The following GRIN2B variants were observed in gnomAD, a reference collection of about 807,000 sequenced individuals.
The protein encoded by GRIN2B is glutamate ionotropic receptor NMDA type subunit 2B.
GRIN2B carries 5 observed loss-of-function variants against 114.5 expected under a neutral mutation model. That is an observed-to-expected ratio of 0.04 (90% CI 0.02 to 0.09). The LOEUF (loss-of-function observed/expected upper bound fraction) is 0.09. GRIN2B is among the 10% of genes least tolerant of loss of function. The pLI, the probability that GRIN2B is intolerant of heterozygous loss-of-function variation, is 1.00. For missense variants in GRIN2B, 1,108 were observed against 1,943.5 expected, an observed-to-expected ratio of 0.57 and a Z score of 8.08; for synonymous variants, 787 against 745.1, an observed-to-expected ratio of 1.06 and a Z score of -0.92.
chr12:13,941,794 C>G (rs897627968), intron 2 of GRIN2B, among the ~76,000 whole-genome samples: 1 of 152,154 alleles, frequency 6.6e-6, no homozygotes, highest in Admixed American at 6.5e-5. Flanking sequence ...CCATGGTAGC[C>G]GAAGGCTGAA....
chr12:13,917,847 T>G (rs1339255966), intron 2 of GRIN2B, among the ~76,000 whole-genome samples: 1 of 152,236 alleles, frequency 6.6e-6, no homozygotes, highest in Non-Finnish European at 1.5e-5. Context: ...TTTTTTCTTT[T>G]TTATTATACT....
intron 3 of GRIN2B, among the ~76,000 whole-genome samples, chr12:13,817,734 C>T (rs1167915099): frequency 6.6e-6 from 1 of 152,136 alleles, no homozygotes; most frequent in East Asian, 1.9e-4. Context: ...CATATATAGG[C>T]AAAGACATTT....
chr12:13,647,321 A>G (rs906285270), intron 5 of GRIN2B, among the ~76,000 whole-genome samples: 1 of 152,104 alleles, frequency 6.6e-6, no homozygotes, highest in Non-Finnish European at 1.5e-5. Flanking sequence ...TGAGCTTTTG[A>G]TAATTTGAGT....
chr12:13,706,098 C>G (rs1950357600), intron 4 of GRIN2B, among the ~76,000 whole-genome samples: 1 of 152,122 alleles, frequency 6.6e-6, no homozygotes, highest in African/African-American at 2.4e-5. Context: ...AAACAATTCT[C>G]TACCTTGGCA....
chr12:13,563,525 G>T lies in GRIN2B; in HGVS notation c.3713C>A (p.Ala1238Glu). The change falls in exon 14 of 14, where the codon GCG (alanine) becomes GAG (glutamate). Residue 1238 changes from alanine to glutamate, a missense_variant. By Grantham distance (107) the Ala-to-Glu change is moderately radical. Transcript: ENST00000609686. Reference protein sequence around the residue: ...TVTGQNSGRQACIRCEACKKA... With the variant: ...TVTGQNSGRQECIRCEACKKA... ...CTTGCAAGCCTCACACCGGATGCAC[G>T]CCTGCCTGCCCGAGTTCTGACCCGT... is the stretch of plus-strand genomic sequence containing the variant. 1 of 1,614,054 alleles carries T rather than the reference G, an allele frequency of 6.2e-7. No homozygotes were observed. The highest frequency in any genetic ancestry group is 8.5e-7 in the Non-Finnish European group (1 of 1,180,016).
At chr12:13,679,231 A>G (rs1213193099) in intron 4 of GRIN2B, among the ~76,000 whole-genome samples, 1 of 152,192 alleles carries the variant, frequency 6.6e-6, no homozygotes, top group East Asian at 1.9e-4. Context: ...TTCAGAAGGC[A>G]ATTACAAAAG....
chr12:13,763,972 G>A (rs542919772), intron 3 of GRIN2B, among the ~76,000 whole-genome samples: 1 of 152,156 alleles, frequency 6.6e-6, no homozygotes, highest in Admixed American at 6.5e-5. Context: ...GACTTCTGAG[G>A]TTCTAACTGC....
At chr12:13,794,033 C>T (rs1181626062) in intron 3 of GRIN2B, among the ~76,000 whole-genome samples, 2 of 76,276 alleles carry the variant, frequency 2.6e-5, no homozygotes, top group Non-Finnish European at 4.8e-5. Context: ...AAAATCCCAT[C>T]TCTACAAAAA....
At chr12:13,786,662 T>C (rs1864226381) in intron 3 of GRIN2B, among the ~76,000 whole-genome samples, 1 of 149,600 alleles carries the variant, frequency 6.7e-6, no homozygotes, top group Non-Finnish European at 1.5e-5. Flanking sequence ...CCCACAGGTA[T>C]CAGGGCTGAG....
intron 10 of GRIN2B, among the ~76,000 whole-genome samples, chr12:13,607,343 AATAT>A (rs1565473655): frequency 2.3e-5 from 1 of 42,668 alleles, no homozygotes; most frequent in Non-Finnish European, 4.0e-5. Flanking sequence ...TATTATATAT[AATAT>A]ATAAAATATA....
chr12:13,744,420 A>C (rs1329202119), intron 4 of GRIN2B, among the ~76,000 whole-genome samples: 2 of 152,214 alleles, frequency 1.3e-5, no homozygotes, highest in Non-Finnish European at 2.9e-5. Flanking sequence ...CATGAATATG[A>C]GTGTGTGCGT....
rs899455678 is a variant in GRIN2B, at chr12:13,754,323, T to C, written c.412-408A>G. Among the ~76,000 whole-genome samples, 4 of 152,316 alleles carry C rather than the reference T, an allele frequency of 2.6e-5. No homozygotes were observed. In the South Asian group the frequency reaches 8.3e-4, roughly 32 times the overall value. ...TCAGGTTTTGTTGTCAAATGAGCTA[T>C]ACAAACACAAATGCACATGCCCACA... On this transcript the variant is annotated intron_variant, in intron 3 of 13. Transcript: ENST00000609686.
At chr12:13,758,748 C>T (rs1452777591) in intron 3 of GRIN2B, among the ~76,000 whole-genome samples, 4 of 152,166 alleles carry the variant, frequency 2.6e-5, no homozygotes, top group Non-Finnish European at 4.4e-5. Context: ...GGTCAACTTA[C>T]TTCTATCTCC....
At chr12:13,628,912 G>A (rs992401414) in intron 5 of GRIN2B, among the ~76,000 whole-genome samples, 1 of 152,076 alleles carries the variant, frequency 6.6e-6, no homozygotes, top group Non-Finnish European at 1.5e-5. Flanking sequence ...CATATGAAAA[G>A]AAACAAGGTA....
At chr12:13,682,389 A>G (rs923115829) in intron 4 of GRIN2B, among the ~76,000 whole-genome samples, 2 of 152,206 alleles carry the variant, frequency 1.3e-5, no homozygotes, top group African/African-American at 4.8e-5. Context: ...GAAGCTCAGG[A>G]ATAACTAATT....
At chr12:13,583,869 T>A (rs1948884146) in intron 10 of GRIN2B, among the ~76,000 whole-genome samples, 1 of 152,066 alleles carries the variant, frequency 6.6e-6, no homozygotes, top group African/African-American at 2.4e-5. Flanking sequence ...GGAAGGACAC[T>A]GTGAACCCCA....
At chr12:13,593,266 G>A (rs1949031346) in intron 10 of GRIN2B, among the ~76,000 whole-genome samples, 1 of 152,176 alleles carries the variant, frequency 6.6e-6, no homozygotes, top group African/African-American at 2.4e-5. Flanking sequence ...AACAAAGCTG[G>A]AGGCATCATG....
intron 5 of GRIN2B, among the ~76,000 whole-genome samples, chr12:13,630,225 C>T (rs568634968): frequency 3.9e-5 from 6 of 152,322 alleles, no homozygotes; most frequent in Middle Eastern, 3.4e-3. Flanking sequence ...TCTACCAATA[C>T]TAGCTAATAT....
chr12:13,830,907 G>A (rs951033398), intron 3 of GRIN2B, among the ~76,000 whole-genome samples: 24 of 152,190 alleles, frequency 1.6e-4, no homozygotes, highest in African/African-American at 3.6e-4. Flanking sequence ...TAGTTTGACC[G>A]TCCAAACCTT....
Sources: gnomAD v4.1 joint callset for allele counts (sites outside exome capture counted in the v4.1 genomes callset) on GRCh38, gnomAD v4.1.1 for gene constraint, MANE v1.5 for transcripts, NCBI Gene and HGNC (gene_info 2026-07-23, HGNC 2026-07-21) for gene names.